TNK2: variants seen among roughly 807,000 people sequenced by gnomAD.
TNK2 encodes the protein tyrosine kinase non receptor 2.
Under a neutral mutation model 101.8 loss-of-function variants are expected in TNK2, and 83 were observed. The observed-to-expected ratio is 0.82, with a 90% CI of 0.68 to 0.98. TNK2 has a LOEUF of 0.98. TNK2 is among the 50% of genes least tolerant of loss of function. The pLI is 0.00. For synonymous variants in TNK2, 804 were observed against 633.0 expected, an observed-to-expected ratio of 1.27 and a Z score of -4.06; for missense variants, 1,665 against 1,483.2, an observed-to-expected ratio of 1.12 and a Z score of -2.01.
At chr3:195,877,063 T>G (rs1181611521) in intron 9 of TNK2, among the ~76,000 whole-genome samples, 1 of 152,028 alleles carries the variant, frequency 6.6e-6, no homozygotes, top group Non-Finnish European at 1.5e-5. Context: ...GCCAGGTACT[T>G]CCAGGGGACC....
intron 15 of TNK2, among the ~76,000 whole-genome samples, chr3:195,865,699 A>AC (rs11457784): frequency 0.048 from 7,279 of 150,924 alleles, 210 homozygotes; most frequent in African/African-American, 0.064. Flanking sequence ...GTTAAGAACG[A>AC]CCCGAGACAG....
In TNK2 at chr3:195,864,175, C is replaced by T. The variant is rs757241555; in HGVS notation, c.*6G>A. The T allele has an allele frequency of 2.2e-5, 35 of 1,613,984 alleles. No homozygotes were observed. The highest frequency in any genetic ancestry group is 4.5e-5 in the East Asian group (2 of 44,876). Reference sequence around the variant, plus strand: ...CAGGCAGGCCCTCTGGCTCTCCAGACGCATCTCAGCGCCTAGAGAATGGGA... The same window carrying T: ...CAGGCAGGCCCTCTGGCTCTCCAGATGCATCTCAGCGCCTAGAGAATGGGA... On this transcript the variant is annotated 3_prime_UTR_variant, in exon 16 of 16. Coordinates refer to ENST00000672887, the MANE Select transcript of TNK2 (RefSeq NM_001382273.1).
Position 195,868,027 on chromosome 3 carries a change from C to A in TNK2, c.2271G>T (p.Arg757=), listed in dbSNP as rs747168931. Residue 757 remains arginine, a synonymous_variant, in exon 13 of 16, where the codon CGG becomes CGT. Coordinates refer to ENST00000672887, the MANE Select transcript of TNK2 (RefSeq NM_001382273.1). ...GCGTGGGCCGAGGGGGGATGGGTAC[C>A]CGAGGAGGCACCTGGGGCTTGTCGT... ...GGDDKPQVPP[R]VPIPPRPTRP... is the part of the protein sequence containing the mutation. 8.2e-6 allele frequency: 13 copies of A among 1,588,094 alleles called. No homozygotes were observed. The highest frequency in any genetic ancestry group is 1.1e-5 in the Non-Finnish European group (13 of 1,172,502).
chr3:195,878,542 G>C lies in TNK2; in HGVS notation c.1065C>G (p.Asp355Glu), dbSNP rs749249077. The C allele has an allele frequency of 1.2e-6, 2 of 1,613,696 alleles. No individual in the cohort carries two copies. Among genetic ancestry groups the C allele is most frequent in the Non-Finnish European group, 1.7e-6 (2 of 1,180,000 alleles). The change falls in exon 8 of 16, where the codon GAC becomes GAG. Residue 355 changes from aspartate to glutamate, a missense_variant. Asp to Glu is a conservative substitution (Grantham distance 45, BLOSUM62 2). Around this residue, in one of 3 missense-constraint regions of TNK2, gnomAD observed 490 missense variants for 522.5 expected, o/e 0.94. Transcript: ENST00000672887. The surrounding 1 kb of genome is among the most constrained non-coding windows in gnomAD (Gnocchi z 4.7). ...TGACGTTGTAGATGTCCTGGGGACA[G>C]TCCTCGGGCCGGGGCAGCCGCTCCC... ...KEGERLPRPEDCPQDIYNVMV... is the reference protein window; with the variant it reads ...KEGERLPRPEECPQDIYNVMV...
chr3:195,887,035 AGCC>A lies in TNK2; in HGVS notation c.173_175del (p.Arg58del). The A allele has an allele frequency of 6.2e-7, 1 of 1,614,034 alleles. No homozygotes were observed. The highest frequency in any genetic ancestry group is 2.2e-5 in the East Asian group (1 of 44,856). On this transcript the variant is annotated inframe_deletion, in exon 3 of 16. Transcript: ENST00000672887. Reference sequence around the variant, plus strand: ...CTTCCTCCTCTTCACAGCCTCCCACAGCCGCCGCTGGCCTGCAGGGAGAGCGGG... The same window carrying A: ...CTTCCTCCTCTTCACAGCCTCCCACAGCCGCTGGCCTGCAGGGAGAGCGGG...
chr3:195,891,910 A>C (rs769533323), intron 1 of TNK2: 17 of 986,480 alleles, frequency 1.7e-5, no homozygotes, highest in Non-Finnish European at 2.0e-5. Context: ...CAGCTAATGC[A>C]CCTCTGTTCA....
chr3:195,904,967 T>C (rs1560548290), intron 1 of TNK2, among the ~76,000 whole-genome samples: 1 of 152,216 alleles, frequency 6.6e-6, no homozygotes. Flanking sequence ...GCAGGCTTTT[T>C]TGTAGAAATT....
chr3:195,870,092 C>A, intron 11 of TNK2, 22 bp downstream of exon 11: 2 of 1,448,442 alleles, frequency 1.4e-6, no homozygotes, highest in Non-Finnish European at 1.8e-6. Flanking sequence ...TTAGGGACAC[C>A]AGGGAGCAGA....
chr3:195,878,303 C>G lies in TNK2; in HGVS notation c.1206G>C (p.Pro402=). 1.2e-6 allele frequency: 2 copies of G among 1,614,112 alleles called. No individual in the cohort carries two copies. The highest frequency in any genetic ancestry group is 1.7e-6 in the Non-Finnish European group (2 of 1,180,012). The change falls in exon 9 of 16, where the codon CCG becomes CCC. Residue 402 remains proline, a synonymous_variant. Transcript: ENST00000672887. This position sits in a 1 kb window ranked among gnomAD's most constrained non-coding sequence, Gnocchi z 4.7. The stretch of plus-strand genomic sequence containing the variant: ...CATTCATCTGGATGTGCAGCTTGTC[C>G]GGTTCCTCAAAGTCCTGAAGGGCCC... ...DMRALQDFEE[P]DKLHIQMNDV...
At chr3:195,889,892 G>T (rs551334049) in intron 1 of TNK2, among the ~76,000 whole-genome samples, 1 of 152,130 alleles carries the variant, frequency 6.6e-6, no homozygotes, top group Non-Finnish European at 1.5e-5. Flanking sequence ...CCAGCTGCCC[G>T]GCTGGGGACC....
At position 195,878,734 on chromosome 3, in the gene TNK2, G is replaced by A. The variant is rs1750790280; in HGVS notation, c.1015-142C>T. 3.9e-6 allele frequency: 5 copies of A among 1,279,998 alleles called. No homozygotes were observed. The highest frequency in any genetic ancestry group is 4.7e-5 in the Admixed American group (2 of 42,470). The allele number at this position is 1,279,998 out of a possible 1,614,324, so 79.3% of individuals were successfully genotyped here. On this transcript the variant is annotated intron_variant, in intron 7 of 15. Transcript: ENST00000672887. The surrounding 1 kb of genome is among the most constrained non-coding windows in gnomAD (Gnocchi z 4.7). ...GAAGGGATCTGCCTGCCTGGGAGGG[G>A]CCCTCTCCAGAGCCCCAGTCCCTTC...
Position 195,883,055 on chromosome 3 carries a change from G to T in TNK2, c.609+102C>A, listed in dbSNP as rs1560517027. ...CCATCAGGTTGGGGGACCAAAGTAG[G>T]ATCTAGGGCGCCTCTGACCTTAGGA... is the stretch of plus-strand genomic sequence containing the variant. On this transcript the variant is annotated intron_variant, in intron 5 of 15. Transcript: ENST00000672887. 3.5e-6 allele frequency: 5 copies of T among 1,443,614 alleles called. No homozygotes were observed. The East Asian group carries it at 9.3e-5, about 27-fold the overall frequency. The allele number at this position is 1,443,614 out of a possible 1,614,324, so 89.4% of individuals were successfully genotyped here.
At chr3:195,881,643 C>G (rs200795236) in intron 6 of TNK2, among the ~76,000 whole-genome samples, 35 of 108,466 alleles carry the variant, frequency 3.2e-4, no homozygotes, top group African/African-American at 8.5e-4. Context: ...ACACCCCCCC[C>G]CCAGCAACGC....
At position 195,868,123 on chromosome 3, in the gene TNK2, T is replaced by C. The variant is rs771668117; in HGVS notation, c.2175A>G (p.Leu725=). Residue 725 remains leucine (L), a synonymous_variant, in exon 13 of 16, where the codon CTA becomes CTG. Coordinates refer to ENST00000672887, the MANE Select transcript of TNK2 (RefSeq NM_001382273.1). ...GCAGTTGCCTCATGCACTCCTGCTG[T>C]AGCGCCTGGAAGATCTCTGCGGTCT... ...SAQTAEIFQA[L]QQECMRQLQA... 1 of 1,611,638 alleles carries C rather than the reference T, an allele frequency of 6.2e-7. No homozygotes were observed. Among genetic ancestry groups the C allele is most frequent in the South Asian group, 1.1e-5 (1 of 90,980 alleles).
At position 195,888,388 on chromosome 3, in the gene TNK2, G is replaced by T. The variant is rs375774926; in HGVS notation, c.163+38C>A. 112 of 1,601,074 alleles carry T rather than the reference G, an allele frequency of 7.0e-5. No individual in the cohort carries two copies. The highest frequency in any genetic ancestry group is 1.5e-4 in the Admixed American group (9 of 59,510). On this transcript the variant is annotated intron_variant, in intron 2 of 15. Transcript: ENST00000672887. This position sits in a 1 kb window ranked among gnomAD's most constrained non-coding sequence, Gnocchi z 5.3. ...GTCCTGAGGACAGAGGACGGAAAGGGTCAGGGGCAAGACAAGCCAGGCCAA... is the reference window on the plus strand; with the variant it reads ...GTCCTGAGGACAGAGGACGGAAAGGTTCAGGGGCAAGACAAGCCAGGCCAA...
intron 1 of TNK2, among the ~76,000 whole-genome samples, chr3:195,891,547 C>T (rs562500878): frequency 2.0e-5 from 3 of 152,198 alleles, no homozygotes; most frequent in Admixed American, 6.5e-5. Flanking sequence ...GACCAGGCGT[C>T]GTGGCTTTCC....
intron 4 of TNK2, chr3:195,883,998 G>A (rs1754465224): frequency 6.6e-6 from 1 of 152,506 alleles, no homozygotes; most frequent in African/African-American, 2.4e-5. Context: ...AGTGGACGGA[G>A]AATGAGGAGC....
chr3:195,878,421 T>A lies in TNK2; in HGVS notation c.1161+25A>T, dbSNP rs776481583. The A allele has an allele frequency of 6.2e-7, 1 of 1,612,098 alleles. No homozygotes were observed. The highest frequency in any genetic ancestry group is 1.7e-4 in the Middle Eastern group (1 of 6,058). On this transcript the variant is annotated intron_variant, in intron 8 of 15. Coordinates refer to ENST00000672887, the MANE Select transcript of TNK2 (RefSeq NM_001382273.1). This position sits in a 1 kb window ranked among gnomAD's most constrained non-coding sequence, Gnocchi z 4.7. ...AGCCCCTCAGCTTGAACACCCCAGC[T>A]CTCCTGGGCTGACCTGTCCCTCACC...
Position 195,886,116 on chromosome 3 carries a change from G to A in TNK2, c.234+861C>T, listed in dbSNP as rs2149613197. Reference sequence around the variant, plus strand: ...AAATCTGGAGGCCACTGACCGCCCAGGGACCTATCAGGAGCCAGTGGCAGA... The same window carrying A: ...AAATCTGGAGGCCACTGACCGCCCAAGGACCTATCAGGAGCCAGTGGCAGA... On this transcript the variant is annotated intron_variant, in intron 3 of 15. Transcript: ENST00000672887. This position sits in a 1 kb window ranked among gnomAD's most constrained non-coding sequence, Gnocchi z 4.2. 6.4e-6 allele frequency: 1 copy of A among 155,292 alleles called. No individual in the cohort carries two copies. Among genetic ancestry groups the A allele is most frequent in the East Asian group, 1.9e-4 (1 of 5,222 alleles). 9.6% of individuals were successfully genotyped at this position (155,292 alleles called of 1,614,324 possible).
Sources: gnomAD v4.1 joint callset for allele counts (sites outside exome capture counted in the v4.1 genomes callset) on GRCh38, gnomAD v4.1.1 for gene constraint, gnomAD v4.1.1 regional missense constraint, Gnocchi (gnomAD v3.1) non-coding constraint, MANE v1.5 for transcripts, NCBI Gene and HGNC (gene_info 2026-07-23, HGNC 2026-07-21) for gene names.